ADGRA3: variants seen among roughly 807,000 people sequenced by gnomAD.
The protein encoded by ADGRA3 is adhesion G protein-coupled receptor A3, also known as G-protein coupled receptor 125.
A neutral mutation model predicts 119.8 loss-of-function variants in ADGRA3; 56 were observed. The observed-to-expected ratio is 0.47, with a 90% CI of 0.38 to 0.58. The LOEUF is 0.58. ADGRA3 is among the 20% of genes least tolerant of loss of function. The pLI is 0.00. For missense variants in ADGRA3, 1,516 were observed against 1,649.0 expected, an observed-to-expected ratio of 0.92 and a Z score of 1.40; for synonymous variants, 607 against 623.8, an observed-to-expected ratio of 0.97 and a Z score of 0.40.
At chr4:22,496,359 A>AT (rs1718825536) in intron 1 of ADGRA3, among the ~76,000 whole-genome samples, 1 of 152,190 alleles carries the variant, frequency 6.6e-6, no homozygotes, top group South Asian at 2.1e-4. Flanking sequence ...TAATGATCTC[A>AT]TTAGGGAACT....
intron 1 of ADGRA3, among the ~76,000 whole-genome samples, chr4:22,484,335 T>C (rs1718351966): frequency 6.6e-6 from 1 of 152,198 alleles, no homozygotes; most frequent in Admixed American, 6.5e-5. Flanking sequence ...CCAGGTGCAG[T>C]GGCTCATGCC....
chr4:22,443,689 A>G (rs79247509), intron 6 of ADGRA3, among the ~76,000 whole-genome samples: 4,150 of 152,282 alleles, frequency 0.027, 186 homozygotes, highest in African/African-American at 0.094. Flanking sequence ...ACATTAATTC[A>G]ACTTAAAAAA....
intron 6 of ADGRA3, among the ~76,000 whole-genome samples, chr4:22,443,593 T>C (rs1716710543): frequency 1.3e-5 from 2 of 152,180 alleles, no homozygotes; most frequent in Admixed American, 1.3e-4. Flanking sequence ...ACGAGCTAAA[T>C]ATGCTGTAAT....
At chr4:22,464,619 C>T (rs560455263) in intron 2 of ADGRA3, among the ~76,000 whole-genome samples, 174 of 152,322 alleles carry the variant, frequency 1.1e-3, no homozygotes, top group Non-Finnish European at 2.2e-3. Context: ...GCAGCGCTCA[C>T]GCCTGCAGTC....
intron 7 of ADGRA3, among the ~76,000 whole-genome samples, chr4:22,441,084 C>T (rs1716594418): frequency 6.6e-6 from 1 of 152,060 alleles, no homozygotes. Flanking sequence ...GTTTTTGGCA[C>T]TGGGAAGTAA....
At chr4:22,450,100 T>C (rs1042873275) in intron 4 of ADGRA3, among the ~76,000 whole-genome samples, 1 of 152,054 alleles carries the variant, frequency 6.6e-6, no homozygotes, top group Non-Finnish European at 1.5e-5. Context: ...TTTTACAACA[T>C]TACAATCGCA....
intron 1 of ADGRA3, among the ~76,000 whole-genome samples, chr4:22,487,130 C>G (rs1483883378): frequency 6.6e-6 from 1 of 152,184 alleles, no homozygotes; most frequent in Non-Finnish European, 1.5e-5. Context: ...CTCTGGGGTT[C>G]ATAAACATTC....
chr4:22,509,173 C>A (rs1305182323), intron 1 of ADGRA3, among the ~76,000 whole-genome samples: 1 of 152,166 alleles, frequency 6.6e-6, no homozygotes, highest in Non-Finnish European at 1.5e-5. Flanking sequence ...AGGAGAACTG[C>A]ATGCCCCAGC....
At chr4:22,410,452 T>C (rs1715146739) in intron 14 of ADGRA3, among the ~76,000 whole-genome samples, 2 of 152,140 alleles carry the variant, frequency 1.3e-5, no homozygotes, top group Non-Finnish European at 1.5e-5. Context: ...GCAGGATGTA[T>C]ACTCAGATTT....
chr4:22,459,341 G>C lies in ADGRA3; in HGVS notation c.401+2396C>G, dbSNP rs575578856. ...GGAGGGAGGAGGGTGGAAGGAGGGA[G>C]AGGATCAAGAAAAACAACTAATGAG... On this transcript the variant is annotated intron_variant, in intron 3 of 18. Coordinates refer to ENST00000334304, the MANE Select transcript of ADGRA3 (RefSeq NM_145290.4). 2.6e-5 allele frequency among the ~76,000 whole-genome samples: 4 copies of C among 152,058 alleles called. No individual in the cohort carries two copies. The South Asian group carries it at 8.3e-4, about 32-fold the overall frequency.
rs1713942485 is a variant in ADGRA3, at chr4:22,388,409, T to C, written c.3262A>G (p.Lys1088Glu). 6.2e-7 allele frequency: 1 copy of C among 1,614,094 alleles called. No individual in the cohort carries two copies. Residue 1088 changes from lysine (K) to glutamate (E), a missense_variant, in exon 19 of 19, where the codon AAA becomes GAA. Transcript: ENST00000334304. ...NSNGTNGEAP[K>E]CPNSSAESSC... ...GACTCCGCACTGCTATTGGGGCATT[T>C]GGGTGCCTCTCCATTCGTCCCATTA...
chr4:22,434,261 A>C (rs1716307405), intron 10 of ADGRA3, among the ~76,000 whole-genome samples: 1 of 149,780 alleles, frequency 6.7e-6, no homozygotes, highest in Admixed American at 6.7e-5. Context: ...TGATATATAA[A>C]AATATATTAG....
intron 12 of ADGRA3, chr4:22,420,040 C>T (rs770469534): frequency 2.0e-5 from 3 of 152,512 alleles, no homozygotes; most frequent in Non-Finnish European, 2.9e-5. Flanking sequence ...TACACTAATT[C>T]GTTCATTCAT....
intron 8 of ADGRA3, 50 bp from the exon 9 acceptor site, chr4:22,436,691 A>C: frequency 6.8e-7 from 1 of 1,471,296 alleles, no homozygotes. Flanking sequence ...ACACGGGTAC[A>C]TCAAGAATAA....
chr4:22,412,874 A>G (rs1264366414), intron 14 of ADGRA3, among the ~76,000 whole-genome samples: 2 of 152,172 alleles, frequency 1.3e-5, no homozygotes, highest in African/African-American at 4.8e-5. Flanking sequence ...TTCTGGGCAG[A>G]GGGAATCTGC....
chr4:22,515,849 G>C lies in ADGRA3; in HGVS notation c.-65C>G, dbSNP rs1183315888. On this transcript the variant is annotated 5_prime_UTR_variant, in exon 1 of 19. Coordinates refer to ENST00000334304, the MANE Select transcript of ADGRA3 (RefSeq NM_145290.4). ...GGCCTAGCGGGCCGCCCCGGAGCCC[G>C]GGCGGGCAGGAGCGCGGCGCGGGCC... 6.2e-6 allele frequency: 6 copies of C among 974,800 alleles called. No individual in the cohort carries two copies. The highest frequency in any genetic ancestry group is 7.3e-6 in the Non-Finnish European group (6 of 822,272). 60.4% of individuals were successfully genotyped at this position (974,800 alleles called of 1,614,324 possible). A position where few individuals can be genotyped will look rare whatever the true frequency, so the allele number is the denominator to read the frequency against.
At position 22,515,827 on chromosome 4, in the gene ADGRA3, C is replaced by T. The variant is rs1430264816; in HGVS notation, c.-43G>A. On this transcript the variant is annotated 5_prime_UTR_variant, in exon 1 of 19. An upstream open reading frame in the 5' UTR loses its in-frame stop. Coordinates refer to ENST00000334304, the MANE Select transcript of ADGRA3 (RefSeq NM_145290.4). ...GCGGGGCGAGCGGCGGCGCACTGGCCTAGCGGGCCGCCCCGGAGCCCGGGC... is the reference window on the plus strand; with the variant it reads ...GCGGGGCGAGCGGCGGCGCACTGGCTTAGCGGGCCGCCCCGGAGCCCGGGC... The T allele has an allele frequency of 2.0e-6, 2 of 983,538 alleles. No individual in the cohort carries two copies. The highest frequency in any genetic ancestry group is 2.4e-6 in the Non-Finnish European group (2 of 829,986). The allele number at this position is 983,538 out of a possible 1,614,324, so 60.9% of individuals were successfully genotyped here.
Position 22,401,554 on chromosome 4 carries a change from A to G in ADGRA3, c.2358T>C (p.Ser786=), listed in dbSNP as rs1714649624. 2 of 1,601,434 alleles carry G rather than the reference A, an allele frequency of 1.2e-6. No homozygotes were observed. The highest frequency in any genetic ancestry group is 3.4e-5 in the Admixed American group (2 of 59,130). ...AVIVSYIYHH[S]LIRISLKSWH... is the part of the protein sequence containing the mutation. ...AGCTCTTGAGGCTGATTCTAATCAAACTGTTTAAAAAAGAGAGAAAATATT... is the reference window on the plus strand; with the variant it reads ...AGCTCTTGAGGCTGATTCTAATCAAGCTGTTTAAAAAAGAGAGAAAATATT... The change falls in exon 16 of 19, where the codon AGT becomes AGC. Residue 786 remains serine (S), a splice_region_variant and synonymous_variant. Coordinates refer to ENST00000334304, the MANE Select transcript of ADGRA3 (RefSeq NM_145290.4).
Position 22,515,741 on chromosome 4 carries a change from A to G in ADGRA3, c.44T>C (p.Leu15Pro), listed in dbSNP as rs1719642436. 9.7e-7 allele frequency: 1 copy of G among 1,035,224 alleles called. No homozygotes were observed. Among genetic ancestry groups the G allele is most frequent in the Non-Finnish European group, 1.2e-6 (1 of 867,290 alleles). The allele number at this position is 1,035,224 out of a possible 1,614,324, so 64.1% of individuals were successfully genotyped here. A position where few individuals can be genotyped will look rare whatever the true frequency, so the allele number is the denominator to read the frequency against. ...CGCTAACAGCGAGAGCGGCAGCAAC[A>G]GCGGCGGCTGCGCGCGGCCCCGCCG... is the stretch of plus-strand genomic sequence containing the variant. ...GRRRGRAQPP[L>P]LLPLSLLALL... Residue 15 changes from leucine to proline, a missense_variant, in exon 1 of 19, where the codon CTG becomes CCG. Leu to Pro is a moderately conservative substitution (Grantham distance 98). This residue lies in a region of ADGRA3 where 428 missense variants were observed against 541.9 expected (regional missense o/e 0.79). Transcript: ENST00000334304.
Sources: gnomAD v4.1 joint callset for allele counts (sites outside exome capture counted in the v4.1 genomes callset) on GRCh38, gnomAD v4.1.1 for gene constraint, gnomAD v4.1.1 regional missense constraint, MANE v1.5 for transcripts, NCBI Gene and HGNC (gene_info 2026-07-23, HGNC 2026-07-21) for gene names.